Variants in CYP7B1 observed in about 807,000 individuals in gnomAD.
CYP7B1 encodes the protein cytochrome P450 7B1.
Under a neutral mutation model 42.7 loss-of-function variants are expected in CYP7B1, and 29 were observed. The observed-to-expected ratio is 0.68, with a 90% CI of 0.51 to 0.93. The LOEUF (loss-of-function observed/expected upper bound fraction) is 0.93, where lower values mean the gene tolerates loss of function less well. Among genes scored for constraint, CYP7B1 ranks in the 40% least tolerant of loss-of-function variants. CYP7B1 has a pLI of 0.00. For missense variants in CYP7B1, 655 were observed against 600.5 expected, an observed-to-expected ratio of 1.09 and a Z score of -0.95; for synonymous variants, 235 against 218.2, an observed-to-expected ratio of 1.08 and a Z score of -0.68.
intron 1 of CYP7B1, among the ~76,000 whole-genome samples, chr8:64,730,751 G>GCACACACACA (rs61050207): frequency 0.019 from 2,712 of 142,904 alleles, 96 homozygotes; most frequent in African/African-American, 0.063. Flanking sequence ...AGGACTGTCT[G>GCACACACACA]CACACACACA....
rs768892657 is a variant in CYP7B1 at position 64,616,166 on chromosome 8, G to T, written c.375C>A (p.Ile125=). The T allele has an allele frequency of 6.2e-7, 1 of 1,613,042 alleles. No homozygotes were observed. The highest frequency in any genetic ancestry group is 1.7e-5 in the Admixed American group (1 of 59,876). The change falls in exon 3 of 6, where the codon ATC becomes ATA. Residue 125 remains isoleucine, a synonymous_variant. Transcript: ENST00000310193. ...SNKLLEKAFS[I]SQLQKNHDMN... ...TGTCATGATTTTTTTGCAACTGACT[G>T]ATGCTAAATGCTTTCTCTAATAATT...
At position 64,596,416 on chromosome 8, in the gene CYP7B1, G is replaced by A. The variant is rs1395236247; in HGVS notation, c.*226C>T. 2.1e-6 allele frequency: 1 copy of A among 468,562 alleles called. No individual in the cohort carries two copies. The highest frequency in any genetic ancestry group is 3.8e-6 in the Non-Finnish European group (1 of 263,158). 29.0% of individuals were successfully genotyped at this position (468,562 alleles called of 1,614,324 possible). On this transcript the variant is annotated 3_prime_UTR_variant, in exon 6 of 6. Transcript: ENST00000310193. Reference sequence around the variant, plus strand: ...AAAAACAACAACAACCCTGTTTTGAGCCTACCCTTAAGTTGATTTTGATGT... The same window carrying A: ...AAAAACAACAACAACCCTGTTTTGAACCTACCCTTAAGTTGATTTTGATGT...
At chr8:64,771,328 GGGATTACAGTC>G (rs2129643179) in intron 1 of CYP7B1, among the ~76,000 whole-genome samples, 1 of 151,920 alleles carries the variant, frequency 6.6e-6, no homozygotes, top group South Asian at 2.1e-4. Context: ...TCAAAGTGCT[GGGATTACAGTC>G]GTGAGCCACC....
intron 1 of CYP7B1, among the ~76,000 whole-genome samples, chr8:64,655,530 G>C (rs980808775): frequency 6.6e-6 from 1 of 152,212 alleles, no homozygotes; most frequent in East Asian, 1.9e-4. Flanking sequence ...AAGAGATGCT[G>C]CTGAAGTTGT....
At chr8:64,710,283 C>G (rs1807061987) in intron 1 of CYP7B1, among the ~76,000 whole-genome samples, 1 of 152,188 alleles carries the variant, frequency 6.6e-6, no homozygotes, top group Non-Finnish European at 1.5e-5. Flanking sequence ...TTGATGCCCT[C>G]TATTTTTAAA....
intron 1 of CYP7B1, 132 bp from the exon 2 acceptor site, chr8:64,624,671 CAG>C: frequency 3.9e-6 from 4 of 1,026,204 alleles, no homozygotes; most frequent in Non-Finnish European, 5.7e-6. Flanking sequence ...TTCTCTTACT[CAG>C]TGATTCTTAT....
intron 1 of CYP7B1, among the ~76,000 whole-genome samples, chr8:64,769,427 A>G (rs568277229): frequency 6.0e-4 from 92 of 152,296 alleles, no homozygotes; most frequent in African/African-American, 2.0e-3. Context: ...GAAAAAAAAT[A>G]AAGTCTATAA....
At position 64,592,171 on chromosome 8, in the gene CYP7B1, G is replaced by A. The variant is rs1563534781; in HGVS notation, c.*4471C>T. ...CCACTGGACTCCAGCCTGGGCGACA[G>A]AGCAAGACTCCATCTAAAAAAAAAA... On this transcript the variant is annotated 3_prime_UTR_variant, in exon 6 of 6. Coordinates refer to ENST00000310193, the MANE Select transcript of CYP7B1 (RefSeq NM_004820.5). Among the ~76,000 whole-genome samples, 1 of 150,218 alleles carries A rather than the reference G, an allele frequency of 6.7e-6. No individual in the cohort carries two copies. The highest frequency in any genetic ancestry group is 6.6e-5 in the Admixed American group (1 of 15,082).
intron 1 of CYP7B1, among the ~76,000 whole-genome samples, chr8:64,707,418 GC>G (rs1441456633): frequency 6.6e-6 from 1 of 152,194 alleles, no homozygotes; most frequent in East Asian, 1.9e-4. Flanking sequence ...GTTTTATTTG[GC>G]ATTGAAGAGG....
chr8:64,717,334 T>A (rs1807170538), intron 1 of CYP7B1, among the ~76,000 whole-genome samples: 3 of 152,194 alleles, frequency 2.0e-5, no homozygotes, highest in Non-Finnish European at 4.4e-5. Flanking sequence ...TCCAATCATT[T>A]TGGTTGAACA....
intron 1 of CYP7B1, among the ~76,000 whole-genome samples, chr8:64,725,702 A>C (rs1807312868): frequency 6.6e-6 from 1 of 152,220 alleles, no homozygotes; most frequent in Non-Finnish European, 1.5e-5. Context: ...GAGGAGGAGC[A>C]GGGAGGGAAG....
At chr8:64,636,054 A>G (rs1805764789) in intron 1 of CYP7B1, among the ~76,000 whole-genome samples, 1 of 152,232 alleles carries the variant, frequency 6.6e-6, no homozygotes, top group African/African-American at 2.4e-5. Context: ...TTTTAAAACT[A>G]TCATTTAAAA....
intron 1 of CYP7B1, among the ~76,000 whole-genome samples, chr8:64,633,946 C>T (rs1448529735): frequency 6.6e-6 from 1 of 152,074 alleles, no homozygotes; most frequent in Non-Finnish European, 1.5e-5. Context: ...GAAATTGACC[C>T]ACACAAATAT....
chr8:64,776,217 T>G (rs1804324981), intron 1 of CYP7B1, among the ~76,000 whole-genome samples: 1 of 152,150 alleles, frequency 6.6e-6, no homozygotes, highest in Admixed American at 6.5e-5. Context: ...AAAAGTATGC[T>G]CTGGACAGAG....
intron 1 of CYP7B1, among the ~76,000 whole-genome samples, chr8:64,789,488 A>T (rs1804582919): frequency 6.6e-6 from 1 of 152,134 alleles, no homozygotes; most frequent in South Asian, 2.1e-4. Flanking sequence ...CCAAACTGGG[A>T]ATTTCCCTCT....
chr8:64,747,614 G>A (rs1020482117), intron 1 of CYP7B1, among the ~76,000 whole-genome samples: 2 of 151,784 alleles, frequency 1.3e-5, no homozygotes, highest in African/African-American at 4.8e-5. Context: ...GGCAGAAGTA[G>A]AAGAAAATCC....
At chr8:64,639,629 A>G (rs1032345660) in intron 1 of CYP7B1, among the ~76,000 whole-genome samples, 3 of 152,152 alleles carry the variant, frequency 2.0e-5, no homozygotes, top group Non-Finnish European at 2.9e-5. Context: ...AGCAAGGATG[A>G]GGAGAAACTG....
intron 1 of CYP7B1, among the ~76,000 whole-genome samples, chr8:64,707,009 T>C (rs1318139407): frequency 1.3e-5 from 2 of 152,102 alleles, no homozygotes; most frequent in African/African-American, 2.4e-5. Context: ...TCAGACTTTA[T>C]ATTAGAAACC....
At chr8:64,614,489 A>AT (rs1462350531) in intron 4 of CYP7B1, among the ~76,000 whole-genome samples, 1 of 147,670 alleles carries the variant, frequency 6.8e-6, no homozygotes, top group African/African-American at 2.5e-5. Context: ...CTTCTTTTCT[A>AT]TTTTTTCCCT....
Sources: gnomAD v4.1 joint callset for allele counts (sites outside exome capture counted in the v4.1 genomes callset) on GRCh38, gnomAD v4.1.1 for gene constraint, MANE v1.5 for transcripts, NCBI Gene and HGNC (gene_info 2026-07-23, HGNC 2026-07-21) for gene names.